Variants in RBAK observed in about 807,000 individuals in gnomAD.
The protein encoded by RBAK is RB associated KRAB zinc finger, also known as RB-associated KRAB zinc finger protein.
In RBAK, 39 loss-of-function variants were observed where a neutral mutation model predicts 65.8. The ratio of observed to expected loss-of-function variants is 0.59; its 90% CI spans 0.46 to 0.77. The LOEUF (loss-of-function observed/expected upper bound fraction) is 0.77, where lower values mean the gene tolerates loss of function less well. Among genes scored for constraint, RBAK ranks in the 30% least tolerant of loss-of-function variants. The probability of loss-of-function intolerance (pLI) is 0.00; values close to 1 mark genes in which losing one functional copy is unlikely to be tolerated. For synonymous variants in RBAK, 343 were observed against 289.7 expected, an observed-to-expected ratio of 1.18 and a Z score of -1.87; for missense variants, 884 against 855.1, an observed-to-expected ratio of 1.03 and a Z score of -0.42.
At chr7:5,059,171 C>A (rs912543377) in intron 4 of RBAK, among the ~76,000 whole-genome samples, 5 of 152,168 alleles carry the variant, frequency 3.3e-5, no homozygotes, top group African/African-American at 1.2e-4. Flanking sequence ...TTTCGACATT[C>A]GTGTTCAGTA....
chr7:5,054,856 A>C (rs866537057), intron 2 of RBAK, among the ~76,000 whole-genome samples: 1 of 152,016 alleles, frequency 6.6e-6, no homozygotes, highest in Non-Finnish European at 1.5e-5. Flanking sequence ...TGGTATTTTT[A>C]CTGGGGTTGC....
intron 4 of RBAK, among the ~76,000 whole-genome samples, chr7:5,061,666 G>A (rs1779075721): frequency 6.6e-6 from 1 of 151,552 alleles, no homozygotes; most frequent in African/African-American, 2.4e-5. Context: ...GGGAGGCTGA[G>A]GTGGGTGGAT....
intron 4 of RBAK, among the ~76,000 whole-genome samples, chr7:5,061,402 C>T (rs1193941145): frequency 2.7e-5 from 4 of 149,876 alleles, no homozygotes; most frequent in African/African-American, 2.5e-5. Flanking sequence ...ATATGACTTT[C>T]AAAACACTTC....
rs754236861 is a variant in RBAK at position 5,046,292 on chromosome 7, T to C, written c.-149T>C. On this transcript the variant is annotated 5_prime_UTR_variant, in exon 1 of 5. Transcript: ENST00000396912. ...CCCCTCGGGAGCAGAACAACCTTAG[T>C]GAGGTGGACAGGAGGGGACCTCGCG... is the stretch of plus-strand genomic sequence containing the variant. 2 of 516,302 alleles carry C rather than the reference T, an allele frequency of 3.9e-6. No homozygotes were observed. The highest frequency in any genetic ancestry group is 1.1e-4 in the East Asian group (2 of 18,290). 32.0% of individuals were successfully genotyped at this position (516,302 alleles called of 1,614,324 possible).
Position 5,064,553 on chromosome 7 carries a change from A to C in RBAK, c.1097A>C (p.Asn366Thr). The C allele has an allele frequency of 2.5e-6, 4 of 1,613,832 alleles. No homozygotes were observed. Among genetic ancestry groups the C allele is most frequent in the Non-Finnish European group, 3.4e-6 (4 of 1,179,848 alleles). ...QKTHLTLHQR[N>T]HSGERPYPCN... ...ACACATCTCACCCTGCACCAGAGGA[A>C]TCATTCAGGAGAGAGGCCCTATCCA... The change falls in exon 5 of 5, where the codon AAT (asparagine) becomes ACT (threonine). Residue 366 changes from asparagine to threonine, a missense_variant. By Grantham distance (65) the Asn-to-Thr change is moderately conservative. Coordinates refer to ENST00000396912, the MANE Select transcript of RBAK (RefSeq NM_021163.4). This position sits in a 1 kb window ranked among gnomAD's most constrained non-coding sequence, Gnocchi z 6.3.
chr7:5,063,617 G>A, intron 4 of RBAK, 78 bp from the exon 5 acceptor site: 1 of 1,156,164 alleles, frequency 8.6e-7, no homozygotes, highest in Non-Finnish European at 1.2e-6. Flanking sequence ...CCCACAATGG[G>A]GGCTCTTGAA....
At chr7:5,055,694 A>G (rs2115033820) in intron 2 of RBAK, among the ~76,000 whole-genome samples, 1 of 151,936 alleles carries the variant, frequency 6.6e-6, no homozygotes, top group Admixed American at 6.6e-5. Flanking sequence ...TGGTATTGGC[A>G]TGTAATTTTA....
At position 5,048,237 on chromosome 7, in the gene RBAK, A is replaced by G; in HGVS notation, c.15+146A>G. 3.7e-6 allele frequency: 4 copies of G among 1,081,414 alleles called. No homozygotes were observed. In the South Asian group the frequency reaches 6.6e-5, roughly 18 times the overall value. The allele number at this position is 1,081,414 out of a possible 1,614,324, so 67.0% of individuals were successfully genotyped here. A position where few individuals can be genotyped will look rare whatever the true frequency, so the allele number is the denominator to read the frequency against. ...GCCCAGGCTGGAGTGCAGTGGCATGATCTCGCTTCACTGCAACCTCCACCT... is the reference window on the plus strand; with the variant it reads ...GCCCAGGCTGGAGTGCAGTGGCATGGTCTCGCTTCACTGCAACCTCCACCT... On this transcript the variant is annotated intron_variant, in intron 2 of 4. Transcript: ENST00000396912. The surrounding 1 kb of genome is among the most constrained non-coding windows in gnomAD (Gnocchi z 4.4).
At chr7:5,058,067 GTTT>G (rs1778972822) in intron 4 of RBAK, among the ~76,000 whole-genome samples, 9 of 31,734 alleles carry the variant, frequency 2.8e-4, no homozygotes, top group Admixed American at 2.3e-3. Flanking sequence ...TTTTGGGTTT[GTTT>G]GTTTGTTTGT....
intron 3 of RBAK, 64 bp downstream of exon 3, chr7:5,057,485 A>G: frequency 2.2e-5 from 35 of 1,613,718 alleles, no homozygotes; most frequent in Non-Finnish European, 2.9e-5. Context: ...AGTTTGAAGA[A>G]ATAAGTGATG....
At position 5,046,123 on chromosome 7, in the gene RBAK, C is replaced by T; in HGVS notation, c.-318C>T. On this transcript the variant is annotated 5_prime_UTR_variant, in exon 1 of 5. Coordinates refer to ENST00000396912, the MANE Select transcript of RBAK (RefSeq NM_021163.4). ...GAGGTGGCGGAGGTGGCGGCGGAGG[C>T]GAAGGGGCGGCGGGACGCGGGCCTG... is the stretch of plus-strand genomic sequence containing the variant. The T allele has an allele frequency of 6.3e-6, 2 of 319,704 alleles. No homozygotes were observed. The highest frequency in any genetic ancestry group is 1.2e-5 in the Non-Finnish European group (2 of 167,624). 19.8% of individuals were successfully genotyped at this position (319,704 alleles called of 1,614,324 possible).
chr7:5,051,969 A>G (rs113858201), intron 2 of RBAK, among the ~76,000 whole-genome samples: 2,529 of 152,228 alleles, frequency 0.017, 45 homozygotes, highest in African/African-American at 0.052. Context: ...ACTTGTATCA[A>G]TTGTTGGGGA....
chr7:5,059,597 A>G (rs1779019359), intron 4 of RBAK, among the ~76,000 whole-genome samples: 1 of 152,206 alleles, frequency 6.6e-6, no homozygotes, highest in Non-Finnish European at 1.5e-5. Context: ...TGAGCAATAA[A>G]CTTTAGAACT....
chr7:5,058,807 C>A lies in RBAK; in HGVS notation c.238+1028C>A, dbSNP rs2115038034. ...CCTTTTCAGGACTGTCCCCCTAGGA[C>A]CTGTTTTCCACTTTTTTGGTTTTCT... is the stretch of plus-strand genomic sequence containing the variant. On this transcript the variant is annotated intron_variant, in intron 4 of 4. Coordinates refer to ENST00000396912, the MANE Select transcript of RBAK (RefSeq NM_021163.4). Among the ~76,000 whole-genome samples the A allele has an allele frequency of 1.3e-5, 2 of 152,310 alleles. 1 individual carries two copies. The highest frequency in any genetic ancestry group is 3.9e-4 in the East Asian group (2 of 5,180).
At position 5,048,112 on chromosome 7, in the gene RBAK, A is replaced by G. The variant is rs770032289; in HGVS notation, c.15+21A>G. 10 of 1,589,592 alleles carry G rather than the reference A, an allele frequency of 6.3e-6. No homozygotes were observed. In the African/African-American group the frequency reaches 1.1e-4, roughly 17 times the overall value. On this transcript the variant is annotated intron_variant, in intron 2 of 4. Coordinates refer to ENST00000396912, the MANE Select transcript of RBAK (RefSeq NM_021163.4). The surrounding 1 kb of genome is among the most constrained non-coding windows in gnomAD (Gnocchi z 4.4). ...TGCAGGTGAGTTTTCATGCTTGTGT[A>G]TATGTTCCTCAACTTTATTTTATGA...
chr7:5,049,163 A>G lies in RBAK; in HGVS notation c.15+1072A>G, dbSNP rs145372578. 5.9e-4 allele frequency among the ~76,000 whole-genome samples: 90 copies of G among 152,350 alleles called. No homozygotes were observed. In the Middle Eastern group the frequency reaches 0.01, roughly 17 times the overall value. The stretch of plus-strand genomic sequence containing the variant: ...TTCATTCAAGTTGATATAATTGCGG[A>G]TAGCTTTCCTAATAACAACCATTAA... On this transcript the variant is annotated intron_variant, in intron 2 of 4. Coordinates refer to ENST00000396912, the MANE Select transcript of RBAK (RefSeq NM_021163.4).
intron 2 of RBAK, among the ~76,000 whole-genome samples, chr7:5,053,919 G>A (rs1788169312): frequency 6.6e-6 from 1 of 152,140 alleles, no homozygotes; most frequent in South Asian, 2.1e-4. Context: ...TTGATGGACT[G>A]ATTCTTTTCT....
In RBAK at chr7:5,046,311, C is replaced by T. The variant is rs1424563345; in HGVS notation, c.-130C>T. 7.7e-6 allele frequency: 4 copies of T among 516,214 alleles called. No homozygotes were observed. The highest frequency in any genetic ancestry group is 5.5e-5 in the East Asian group (1 of 18,328). The allele number at this position is 516,214 out of a possible 1,614,324, so 32.0% of individuals were successfully genotyped here. A position where few individuals can be genotyped will look rare whatever the true frequency, so the allele number is the denominator to read the frequency against. ...CCTTAGTGAGGTGGACAGGAGGGGA[C>T]CTCGCGAGCAGACGCGCGCCAGCGA... On this transcript the variant is annotated 5_prime_UTR_variant, in exon 1 of 5. Coordinates refer to ENST00000396912, the MANE Select transcript of RBAK (RefSeq NM_021163.4).
intron 4 of RBAK, among the ~76,000 whole-genome samples, chr7:5,063,193 C>G (rs893573535): frequency 1.3e-5 from 2 of 152,196 alleles, no homozygotes; most frequent in African/African-American, 4.8e-5. Flanking sequence ...ATTTGGGGAA[C>G]TAATAAATGT....
Sources: allele counts gnomAD v4.1 joint callset (sites outside exome capture counted in the v4.1 genomes callset), GRCh38; gene constraint gnomAD v4.1.1; non-coding constraint Gnocchi (gnomAD v3.1); transcripts MANE v1.5; gene names NCBI Gene and HGNC (gene_info 2026-07-23, HGNC 2026-07-21).